The following NRG3 variants were observed in gnomAD, a reference collection of about 807,000 sequenced individuals.
The protein encoded by NRG3 is neuregulin 3, also known as pro-neuregulin-3, membrane-bound isoform.
Under a neutral mutation model 66.9 loss-of-function variants are expected in NRG3, and 31 were observed. The observed-to-expected ratio is 0.46, with a 90% confidence interval of 0.35 to 0.63. NRG3 has a LOEUF of 0.63. NRG3 is among the 20% of genes least tolerant of loss of function. NRG3 has a pLI of 0.00. For missense variants in NRG3, 910 were observed against 878.9 expected (o/e 1.04, Z -0.45); for synonymous variants, 393 against 359.4 (o/e 1.09, Z -1.06).
chr10:81,899,625 T>A (rs1843842171), intron 1 of NRG3, among the ~76,000 whole-genome samples: 1 of 152,162 alleles, frequency 6.6e-6, no homozygotes, highest in South Asian at 2.1e-4. Context: ...TGACCTGTAC[T>A]TACTCTCTTT....
intron 1 of NRG3, among the ~76,000 whole-genome samples, chr10:82,216,460 ATGTGTGTG>A (rs141417032): frequency 1.4e-5 from 2 of 146,330 alleles, no homozygotes; most frequent in Admixed American, 6.8e-5. Context: ...TTTTATATAT[ATGTGTGTG>A]TGTGTGTGTG....
intron 1 of NRG3, among the ~76,000 whole-genome samples, chr10:82,221,333 T>G (rs1005413521): frequency 3.3e-5 from 5 of 151,986 alleles, no homozygotes; most frequent in Non-Finnish European, 7.4e-5. Flanking sequence ...TTGTGTCTTA[T>G]ATATTCTCTC....
chr10:82,039,726 T>C (rs546095944), intron 1 of NRG3, among the ~76,000 whole-genome samples: 1 of 152,218 alleles, frequency 6.6e-6, no homozygotes, highest in African/African-American at 2.4e-5. Flanking sequence ...GAGGGAGGTG[T>C]TCTTGATCCC....
chr10:81,947,076 A>C (rs902318451), intron 1 of NRG3, among the ~76,000 whole-genome samples: 12 of 152,114 alleles, frequency 7.9e-5, no homozygotes, highest in Non-Finnish European at 1.6e-4. Context: ...CTGAAACTAT[A>C]GGGGAAGGAC....
chr10:82,008,610 T>C (rs1201732883), intron 1 of NRG3, among the ~76,000 whole-genome samples: 2 of 152,206 alleles, frequency 1.3e-5, no homozygotes, highest in African/African-American at 2.4e-5. Flanking sequence ...TGGCTACCTG[T>C]GTACTTGCCT....
intron 1 of NRG3, among the ~76,000 whole-genome samples, chr10:81,903,700 A>G (rs971545398): frequency 2.0e-5 from 3 of 152,342 alleles, no homozygotes; most frequent in Middle Eastern, 3.4e-3. Context: ...AGCTGCCTCC[A>G]CAAGGCCTTG....
chr10:82,202,541 T>TA (rs1251615280), intron 1 of NRG3, among the ~76,000 whole-genome samples: 2 of 152,216 alleles, frequency 1.3e-5, no homozygotes, highest in Non-Finnish European at 2.9e-5. Flanking sequence ...TGAGTAAACT[T>TA]ACATTATTTT....
At chr10:82,450,608 G>T (rs1367219254) in intron 2 of NRG3, among the ~76,000 whole-genome samples, 1 of 152,110 alleles carries the variant, frequency 6.6e-6, no homozygotes, top group Non-Finnish European at 1.5e-5. Flanking sequence ...TCAGAAATTT[G>T]ACTCTTCAAA....
chr10:82,895,419 A>G (rs1843556347), intron 4 of NRG3, among the ~76,000 whole-genome samples: 1 of 152,136 alleles, frequency 6.6e-6, no homozygotes, highest in African/African-American at 2.4e-5. Flanking sequence ...ACATTAAACA[A>G]GAGAGTTTAA....
At chr10:82,241,664 C>G (rs578225567) in intron 1 of NRG3, among the ~76,000 whole-genome samples, 1 of 152,196 alleles carries the variant, frequency 6.6e-6, no homozygotes, top group South Asian at 2.1e-4. Context: ...ATCTTGTAAT[C>G]TTTGTTCTTT....
intron 2 of NRG3, among the ~76,000 whole-genome samples, chr10:82,408,258 A>G (rs2136126495): frequency 6.6e-6 from 1 of 152,264 alleles, no homozygotes; most frequent in Non-Finnish European, 1.5e-5. Context: ...GCCTTTTGAG[A>G]GGATGCCCCA....
chr10:82,350,082 T>G (rs1005426351), intron 1 of NRG3, among the ~76,000 whole-genome samples: 1 of 152,046 alleles, frequency 6.6e-6, no homozygotes, highest in African/African-American at 2.4e-5. Flanking sequence ...CCATCTTGGC[T>G]CCTCAAAAAA....
intron 2 of NRG3, among the ~76,000 whole-genome samples, chr10:82,423,812 G>A (rs2089238482): frequency 1.3e-5 from 2 of 151,896 alleles, no homozygotes; most frequent in Admixed American, 1.3e-4. Context: ...GTCTACATTC[G>A]CCCATTTTCC....
intron 1 of NRG3, among the ~76,000 whole-genome samples, chr10:82,167,202 G>A (rs1032693261): frequency 4.0e-5 from 6 of 151,580 alleles, no homozygotes; most frequent in Admixed American, 2.0e-4. Flanking sequence ...TTTATTCAAT[G>A]TCAGACATTG....
At chr10:82,932,271 A>T (rs752103161) in intron 4 of NRG3, among the ~76,000 whole-genome samples, 1 of 152,208 alleles carries the variant, frequency 6.6e-6, no homozygotes, top group Non-Finnish European at 1.5e-5. Flanking sequence ...CATAGTTCAC[A>T]TTACCCTCAC....
intron 1 of NRG3, among the ~76,000 whole-genome samples, chr10:82,317,272 C>T (rs2081345222): frequency 6.6e-6 from 1 of 150,488 alleles, no homozygotes; most frequent in Admixed American, 6.6e-5. Context: ...ATCTAGTTTG[C>T]CAAGCTAAAG....
intron 1 of NRG3, among the ~76,000 whole-genome samples, chr10:81,984,040 C>T (rs113740256): frequency 2.0e-5 from 3 of 152,226 alleles, no homozygotes; most frequent in Admixed American, 6.5e-5. Context: ...AGGAATGAGT[C>T]ACTTTGAAAA....
At chr10:82,862,757 C>T (rs936959135) in intron 3 of NRG3, among the ~76,000 whole-genome samples, 1 of 152,158 alleles carries the variant, frequency 6.6e-6, no homozygotes, top group African/African-American at 2.4e-5. Context: ...GCTCTCAAAA[C>T]CTTTTGTGCA....
chr10:82,156,228 A>G (rs575196475), intron 1 of NRG3, among the ~76,000 whole-genome samples: 1 of 151,686 alleles, frequency 6.6e-6, no homozygotes, highest in South Asian at 2.1e-4. Flanking sequence ...ATCTACACTT[A>G]CATAGATTGA....
Sources: gnomAD v4.1 joint callset for allele counts (sites outside exome capture counted in the v4.1 genomes callset) on GRCh38, gnomAD v4.1.1 for gene constraint, MANE v1.5 for transcripts, NCBI Gene and HGNC (gene_info 2026-07-23, HGNC 2026-07-21) for gene names.